CHL1: variants seen among roughly 807,000 people sequenced by gnomAD.
CHL1 encodes the protein neural cell adhesion molecule L1-like protein.
In CHL1, 96 loss-of-function variants were observed where a neutral mutation model predicts 141.9. That is an observed-to-expected ratio of 0.68 (90% CI 0.57 to 0.80). CHL1 has a LOEUF of 0.80. Ranked by LOEUF, CHL1 falls within the 30% of genes least tolerant of loss-of-function variation. The pLI is 0.00. For synonymous variants in CHL1, 613 were observed against 502.2 expected, an observed-to-expected ratio of 1.22 and a Z score of -2.95; for missense variants, 1,820 against 1,457.2, an observed-to-expected ratio of 1.25 and a Z score of -4.05.
intron 2 of CHL1, among the ~76,000 whole-genome samples, chr3:293,626 G>A (rs1056478239): frequency 1.3e-5 from 2 of 152,094 alleles, no homozygotes; most frequent in South Asian, 4.1e-4. Context: ...AAGACCCAGC[G>A]TCATACGTTC....
At chr3:200,065 G>C (rs1343058894) in intron 1 of CHL1, among the ~76,000 whole-genome samples, 2 of 152,128 alleles carry the variant, frequency 1.3e-5, no homozygotes, top group African/African-American at 4.8e-5. Context: ...AGGAATTAGT[G>C]TGACAGCTTC....
At chr3:354,972 T>C (rs1575146574) in intron 11 of CHL1, among the ~76,000 whole-genome samples, 1 of 152,338 alleles carries the variant, frequency 6.6e-6, no homozygotes, top group East Asian at 1.9e-4. Flanking sequence ...ATAATATTTA[T>C]ACTGCCTGTG....
At chr3:336,406 T>C (rs899751501) in intron 5 of CHL1, among the ~76,000 whole-genome samples, 1 of 152,172 alleles carries the variant, frequency 6.6e-6, no homozygotes, top group African/African-American at 2.4e-5. Flanking sequence ...TTAGCATGAA[T>C]TGTATTTAGT....
At chr3:346,952 TTATC>T (rs1035668986) in intron 9 of CHL1, among the ~76,000 whole-genome samples, 105 of 152,310 alleles carry the variant, frequency 6.9e-4, no homozygotes, top group African/African-American at 2.4e-3. Context: ...AGTAAAATGA[TTATC>T]TATAAGTGTC....
At chr3:280,760 G>A (rs1476178701) in intron 2 of CHL1, among the ~76,000 whole-genome samples, 1 of 152,090 alleles carries the variant, frequency 6.6e-6, no homozygotes, top group African/African-American at 2.4e-5. Flanking sequence ...AAATTTGGTT[G>A]GTTGGGTGGG....
At chr3:260,247 G>C (rs1694583346) in intron 2 of CHL1, among the ~76,000 whole-genome samples, 1 of 146,440 alleles carries the variant, frequency 6.8e-6, no homozygotes, top group African/African-American at 2.8e-5. Flanking sequence ...CTGGGTGACA[G>C]AGTGAAACTC....
At chr3:355,215 A>G (rs1703607663) in intron 11 of CHL1, among the ~76,000 whole-genome samples, 1 of 152,046 alleles carries the variant, frequency 6.6e-6, no homozygotes, top group Non-Finnish European at 1.5e-5. Flanking sequence ...TGCTCTGATC[A>G]CCCTCTGGTC....
In CHL1 at chr3:292,875, C is replaced by T. The variant is rs749916109; in HGVS notation, c.-94-26808C>T. Among the ~76,000 whole-genome samples, 15 of 152,278 alleles carry T rather than the reference C, an allele frequency of 9.9e-5. 1 individual carries two copies. Among genetic ancestry groups the T allele is most frequent in the South Asian group, 8.3e-4 (4 of 4,824 alleles). On this transcript the variant is annotated intron_variant, in intron 2 of 27. Coordinates refer to ENST00000256509, the MANE Select transcript of CHL1 (RefSeq NM_006614.4). ...AGCACCCAGCCATGAGGGATCTACC[C>T]GCATCACCCAGATACCTCCTACCAG...
At chr3:343,426 T>C (rs1172026072) in intron 8 of CHL1, among the ~76,000 whole-genome samples, 2 of 152,336 alleles carry the variant, frequency 1.3e-5, no homozygotes, top group Admixed American at 6.5e-5. Flanking sequence ...TGGATTTTTT[T>C]CTTGCAAGGC....
intron 2 of CHL1, among the ~76,000 whole-genome samples, chr3:268,198 AG>A (rs1465413954): frequency 2.0e-5 from 3 of 152,336 alleles, no homozygotes; most frequent in Non-Finnish European, 2.9e-5. Context: ...GGAATAATAA[AG>A]TGTTTTAGAT....
intron 1 of CHL1, among the ~76,000 whole-genome samples, chr3:235,153 C>T (rs187289253): frequency 6.6e-6 from 1 of 152,040 alleles, no homozygotes; most frequent in East Asian, 1.9e-4. Context: ...TCCCTCCCCC[C>T]TCTTTCTAAA....
intron 14 of CHL1, 192 bp downstream of exon 14, chr3:363,575 C>T: frequency 2.0e-6 from 1 of 508,494 alleles, no homozygotes; most frequent in Admixed American, 3.7e-5. Context: ...ATGATATGTG[C>T]ACAGCTTCAT....
intron 1 of CHL1, among the ~76,000 whole-genome samples, chr3:214,249 G>A (rs1700124917): frequency 2.0e-5 from 3 of 152,148 alleles, no homozygotes; most frequent in Admixed American, 1.3e-4. Context: ...ACGTTTCAGA[G>A]TACTGCTAAT....
intron 26 of CHL1, among the ~76,000 whole-genome samples, chr3:400,071 A>T (rs1708998389): frequency 6.6e-6 from 1 of 152,220 alleles, no homozygotes; most frequent in South Asian, 2.1e-4. Flanking sequence ...CAAGATGATG[A>T]TTATTACTAG....
intron 1 of CHL1, among the ~76,000 whole-genome samples, chr3:215,599 C>G (rs189112518): frequency 6.6e-6 from 1 of 152,080 alleles, no homozygotes; most frequent in Non-Finnish European, 1.5e-5. Flanking sequence ...GACGGATATG[C>G]GAAAGCCAAT....
intron 2 of CHL1, among the ~76,000 whole-genome samples, chr3:318,995 T>C (rs764501356): frequency 7.9e-5 from 12 of 151,654 alleles, no homozygotes; most frequent in Non-Finnish European, 1.8e-4. Context: ...AGAACAAAAT[T>C]GTGTCCTTGC....
chr3:303,527 GCT>G (rs1027805938), intron 2 of CHL1, among the ~76,000 whole-genome samples: 6 of 152,048 alleles, frequency 3.9e-5, no homozygotes, highest in Admixed American at 6.6e-5. Context: ...TCATGATTTG[GCT>G]CTCTGTTTGT....
chr3:236,315 T>C (rs1295218238), intron 1 of CHL1, among the ~76,000 whole-genome samples: 1 of 152,194 alleles, frequency 6.6e-6, no homozygotes, highest in East Asian at 1.9e-4. Flanking sequence ...TGACCTGTTT[T>C]GTGCTACATG....
At chr3:215,117 A>G (rs1436181292) in intron 1 of CHL1, among the ~76,000 whole-genome samples, 1 of 152,168 alleles carries the variant, frequency 6.6e-6, no homozygotes, top group African/African-American at 2.4e-5. Context: ...AGAGATTCCC[A>G]TGTTGATTGC....
Sources: allele counts gnomAD v4.1 joint callset (sites outside exome capture counted in the v4.1 genomes callset), GRCh38; gene constraint gnomAD v4.1.1; transcripts MANE v1.5; gene names NCBI Gene and HGNC (gene_info 2026-07-23, HGNC 2026-07-21).